IL1R1: variants seen among roughly 807,000 people sequenced by gnomAD.
IL1R1 encodes interleukin 1 receptor type 1.
Under a neutral mutation model 50.2 loss-of-function variants are expected in IL1R1, and 22 were observed. The ratio of observed to expected loss-of-function variants is 0.44; its 90% CI spans 0.31 to 0.63. IL1R1 has a LOEUF of 0.63. Among genes scored for constraint, IL1R1 ranks in the 20% least tolerant of loss-of-function variants. The pLI, the probability that IL1R1 is intolerant of heterozygous loss-of-function variation, is 0.07. For missense variants in IL1R1, 509 were observed against 676.2 expected (o/e 0.75, Z 2.74); for synonymous variants, 251 against 236.7 (o/e 1.06, Z -0.55).
intron 3 of IL1R1, among the ~76,000 whole-genome samples, chr2:102,160,494 GGA>G (rs1684618164): frequency 6.6e-6 from 1 of 151,864 alleles, no homozygotes; most frequent in African/African-American, 2.4e-5. Flanking sequence ...TCATATCTAG[GGA>G]GAGACTGCTC....
chr2:102,078,471 G>A (rs1187371881), intron 1 of IL1R1, among the ~76,000 whole-genome samples: 1 of 151,358 alleles, frequency 6.6e-6, no homozygotes, highest in Non-Finnish European at 1.5e-5. Context: ...CAAATTCCTA[G>A]AAAGACACAA....
upstream of IL1R1, among the ~76,000 whole-genome samples, chr2:102,101,251 T>C (rs564174028): frequency 2.0e-5 from 3 of 152,340 alleles, no homozygotes; most frequent in South Asian, 6.2e-4. Context: ...ACTGTTTTGT[T>C]TTGTTTTTTC....
intron 1 of IL1R1, among the ~76,000 whole-genome samples, chr2:102,091,150 C>G (rs140301459): frequency 1.8e-3 from 268 of 152,334 alleles, no homozygotes; most frequent in Admixed American, 3.7e-3. Flanking sequence ...CACAGCCCAG[C>G]TCTCAAGTGA....
chr2:102,132,293 A>C (rs1682080560), intron 1 of IL1R1, among the ~76,000 whole-genome samples: 1 of 151,954 alleles, frequency 6.6e-6, no homozygotes, highest in Non-Finnish European at 1.5e-5. Context: ...TTTAAATGAA[A>C]ATTATTTAAA....
At chr2:102,073,071 T>C (rs1678803985) in intron 1 of IL1R1, among the ~76,000 whole-genome samples, 1 of 152,152 alleles carries the variant, frequency 6.6e-6, no homozygotes, top group African/African-American at 2.4e-5. Flanking sequence ...ATCCAGGCAT[T>C]ATGTACTGGG....
chr2:102,129,593 C>T (rs1388608733), intron 1 of IL1R1, among the ~76,000 whole-genome samples: 1 of 152,190 alleles, frequency 6.6e-6, no homozygotes, highest in East Asian at 1.9e-4. Flanking sequence ...GGATGTAGGT[C>T]CTTATGGTGA....
chr2:102,148,409 T>G (rs1341973879), intron 1 of IL1R1, among the ~76,000 whole-genome samples: 1 of 152,184 alleles, frequency 6.6e-6, no homozygotes, highest in Non-Finnish European at 1.5e-5. Flanking sequence ...GGACATTTAC[T>G]TAGGACAGTG....
In IL1R1 at chr2:102,075,830, C is replaced by T. The variant is rs554495982; in HGVS notation, c.-84+5297C>T. On this transcript the variant is annotated intron_variant, in intron 1 of 11. Transcript: ENST00000409929. ...GAGGAGCCATTTAAATTTCTAGCAG[C>T]AAATGGGTGGCACAATTGGCTTTAA... is the stretch of plus-strand genomic sequence containing the variant. Among the ~76,000 whole-genome samples the T allele has an allele frequency of 3.9e-5, 6 of 152,316 alleles. No homozygotes were observed. The East Asian group carries it at 1.2e-3, about 29-fold the overall frequency.
At chr2:102,098,593 T>C (rs2104330789) in intron 1 of IL1R1, among the ~76,000 whole-genome samples, 1 of 152,292 alleles carries the variant, frequency 6.6e-6, no homozygotes, top group South Asian at 2.1e-4. Context: ...CCTATTTAAT[T>C]GCATAGTACA....
rs368013093 is a variant in IL1R1 at position 102,167,518 on chromosome 2, G to A, written c.656-1080G>A. 1.7e-3 allele frequency among the ~76,000 whole-genome samples: 234 copies of A among 133,880 alleles called. 1 individual carries two copies. The highest frequency in any genetic ancestry group is 0.013 in the Middle Eastern group (3 of 232). The allele number at this position is 133,880 out of a possible 152,430, so 87.8% of individuals were successfully genotyped here. ...GCTGGAGTGCAGTGGTGCGATCTCC[G>A]CTCACTGCAAGCTCTGCCTCCCGGG... On this transcript the variant is annotated intron_variant, in intron 6 of 11. Transcript: ENST00000410023.
chr2:102,159,114 T>C (rs1469007002), intron 3 of IL1R1, among the ~76,000 whole-genome samples: 1 of 152,194 alleles, frequency 6.6e-6, no homozygotes, highest in Non-Finnish European at 1.5e-5. Context: ...TCAGACTGGA[T>C]GTGTTAAGTT....
intron 1 of IL1R1, among the ~76,000 whole-genome samples, chr2:102,152,301 C>T (rs186492524): frequency 6.0e-5 from 9 of 151,080 alleles, no homozygotes; most frequent in African/African-American, 2.0e-4. Flanking sequence ...GTCAGGAGAT[C>T]GAGACCATCC....
At chr2:102,151,286 C>G (rs973026796) in intron 1 of IL1R1, among the ~76,000 whole-genome samples, 1 of 152,162 alleles carries the variant, frequency 6.6e-6, no homozygotes, top group East Asian at 1.9e-4. Context: ...TTCCGGCCAT[C>G]TCCAGACCCC....
chr2:102,178,494 C>CT lies in IL1R1; in HGVS notation c.*1736dup, dbSNP rs577232289. On this transcript the variant is annotated 3_prime_UTR_variant, in exon 12 of 12. Transcript: ENST00000410023. ...ACCTATTTTTTAAAAAAATCACACT[C>CT]TAAGTTCTATTGAACCTAGGACTTG... 6 of 152,416 alleles carry CT rather than the reference C, an allele frequency of 3.9e-5. No individual in the cohort carries two copies. The South Asian group carries it at 1.2e-3, about 32-fold the overall frequency. The allele number at this position is 152,416 out of a possible 1,614,324, so 9.4% of individuals were successfully genotyped here. A position where few individuals can be genotyped will look rare whatever the true frequency, so the allele number is the denominator to read the frequency against.
At position 102,118,785 on chromosome 2, in the gene IL1R1, A is replaced by C. The variant is rs533457518; in HGVS notation, c.-84+13913A>C. Among the ~76,000 whole-genome samples, 16 of 152,262 alleles carry C rather than the reference A, an allele frequency of 1.1e-4. No individual in the cohort carries two copies. The South Asian group carries it at 3.1e-3, about 30-fold the overall frequency. On this transcript the variant is annotated intron_variant, in intron 1 of 10. Transcript: ENST00000409329. ...GTAATCCCAGCACTTTGGGAGGCCAAGGTGGGAGGATCATGAGGTCAGGAG... is the reference window on the plus strand; with the variant it reads ...GTAATCCCAGCACTTTGGGAGGCCACGGTGGGAGGATCATGAGGTCAGGAG...
At chr2:102,127,585 T>A (rs1681785811) in intron 1 of IL1R1, among the ~76,000 whole-genome samples, 1 of 151,876 alleles carries the variant, frequency 6.6e-6, no homozygotes, top group South Asian at 2.1e-4. Flanking sequence ...ATATATATAG[T>A]AAGTCAGATG....
At chr2:102,109,789 C>T (rs1461060036) in intron 1 of IL1R1, among the ~76,000 whole-genome samples, 2 of 152,160 alleles carry the variant, frequency 1.3e-5, no homozygotes, top group African/African-American at 4.8e-5. Context: ...TATATTTCCT[C>T]TCTATTGACC....
chr2:102,102,308 G>A (rs1680176861), upstream of IL1R1, among the ~76,000 whole-genome samples: 1 of 152,160 alleles, frequency 6.6e-6, no homozygotes, highest in South Asian at 2.1e-4. Context: ...AACACTTGAA[G>A]AGCAATGCAA....
rs991844335 is a variant in IL1R1, at chr2:102,179,393, A to C, written c.*2634A>C. 6.6e-6 allele frequency: 1 copy of C among 152,302 alleles called. No individual in the cohort carries two copies. The highest frequency in any genetic ancestry group is 2.4e-5 in the African/African-American group (1 of 41,434). The allele number at this position is 152,302 out of a possible 1,614,324, so 9.4% of individuals were successfully genotyped here. ...ACAGAAAAGTGCAAAGTTATTCCCC[A>C]TCTTCCAAGGGTTGAATTCTGGAGG... On this transcript the variant is annotated 3_prime_UTR_variant, in exon 12 of 12. Transcript: ENST00000410023.
Sources: allele counts gnomAD v4.1 joint callset (sites outside exome capture counted in the v4.1 genomes callset), GRCh38; gene constraint gnomAD v4.1.1; transcripts MANE v1.5; gene names NCBI Gene and HGNC (gene_info 2026-07-23, HGNC 2026-07-21).